Variants in CSMD1 observed in about 807,000 individuals in gnomAD.
CSMD1 encodes CUB and Sushi multiple domains 1, also known as CUB and sushi domain-containing protein 1.
CSMD1 carries 213 observed loss-of-function variants against 417.5 expected under a neutral mutation model. That is an observed-to-expected ratio of 0.51 (90% CI 0.46 to 0.57). The LOEUF (loss-of-function observed/expected upper bound fraction) is 0.57, where lower values mean the gene tolerates loss of function less well. Ranked by LOEUF, CSMD1 falls within the 20% of genes least tolerant of loss-of-function variation. The pLI, the probability that CSMD1 is intolerant of heterozygous loss-of-function variation, is 0.00. For synonymous variants in CSMD1, 2,862 were observed against 1,736.8 expected (o/e 1.65, Z -16.11); for missense variants, 6,923 against 4,529.7 (o/e 1.53, Z -15.17).
chr8:3,496,840 T>A (rs1045642559), intron 10 of CSMD1, among the ~76,000 whole-genome samples: 2 of 151,988 alleles, frequency 1.3e-5, no homozygotes, highest in Admixed American at 6.6e-5. Flanking sequence ...AAAAAAAAAA[T>A]TATGTTTAAA....
intron 1 of CSMD1, among the ~76,000 whole-genome samples, chr8:4,914,501 C>T (rs946043589): frequency 1.3e-5 from 2 of 150,366 alleles, no homozygotes; most frequent in Non-Finnish European, 2.9e-5. Flanking sequence ...TGGCGTGAAC[C>T]TGGGATGCGG....
intron 2 of CSMD1, among the ~76,000 whole-genome samples, chr8:4,457,373 C>A (rs1185866429): frequency 2.6e-5 from 4 of 152,000 alleles, no homozygotes; most frequent in South Asian, 2.1e-4. Context: ...GTGATTGGGG[C>A]TTCCCGAGGT....
At chr8:3,539,879 A>T (rs1411962969) in intron 10 of CSMD1, among the ~76,000 whole-genome samples, 2 of 152,222 alleles carry the variant, frequency 1.3e-5, no homozygotes, top group African/African-American at 4.8e-5. Flanking sequence ...AAACGAACTT[A>T]GAAAACGGCT....
At chr8:3,949,730 G>A (rs1339584799) in intron 5 of CSMD1, among the ~76,000 whole-genome samples, 4 of 152,080 alleles carry the variant, frequency 2.6e-5, no homozygotes, top group African/African-American at 9.7e-5. Context: ...ATGAGCAATG[G>A]GGACTTGATC....
chr8:4,316,688 G>A (rs1011153152), intron 3 of CSMD1, among the ~76,000 whole-genome samples: 1 of 151,904 alleles, frequency 6.6e-6, no homozygotes, highest in Non-Finnish European at 1.5e-5. Flanking sequence ...CTAAGGGGGG[G>A]GCTTCCTTTA....
intron 5 of CSMD1, among the ~76,000 whole-genome samples, chr8:3,798,212 G>C (rs910240602): frequency 6.6e-6 from 1 of 151,968 alleles, no homozygotes; most frequent in South Asian, 2.1e-4. Context: ...GTTCATTTCT[G>C]TATGAAATGA....
chr8:4,964,271 T>C (rs1290312318), intron 1 of CSMD1, among the ~76,000 whole-genome samples: 2 of 151,770 alleles, frequency 1.3e-5, no homozygotes, highest in African/African-American at 4.8e-5. Context: ...CCCAGCAGTT[T>C]GGGAGGCAAA....
chr8:3,359,690 G>C (rs959950414), intron 20 of CSMD1, among the ~76,000 whole-genome samples: 3 of 151,968 alleles, frequency 2.0e-5, no homozygotes, highest in Non-Finnish European at 4.4e-5. Flanking sequence ...AGCAGAGTAA[G>C]GTGACTATAG....
chr8:4,568,929 G>C (rs538802394), intron 2 of CSMD1, among the ~76,000 whole-genome samples: 3 of 152,142 alleles, frequency 2.0e-5, no homozygotes, highest in Non-Finnish European at 4.4e-5. Context: ...CTTTTGAGAA[G>C]TGTCTGTTCA....
At chr8:4,159,232 T>C (rs1026008942) in intron 3 of CSMD1, among the ~76,000 whole-genome samples, 11 of 152,172 alleles carry the variant, frequency 7.2e-5, no homozygotes, top group African/African-American at 2.7e-4. Context: ...TCTTTATTGA[T>C]AGATAACCGT....
intron 69 of CSMD1, 106 bp downstream of exon 69, chr8:2,942,366 T>A: frequency 1.1e-6 from 1 of 938,978 alleles, no homozygotes; most frequent in African/African-American, 1.7e-5. Flanking sequence ...GAACATTGCA[T>A]AGTAATATAA....
At chr8:4,650,794 C>T (rs931353751) in intron 1 of CSMD1, among the ~76,000 whole-genome samples, 21 of 152,040 alleles carry the variant, frequency 1.4e-4, no homozygotes, top group Non-Finnish European at 1.3e-4. Flanking sequence ...AGATTCTATT[C>T]TTCTTTATTT....
intron 5 of CSMD1, among the ~76,000 whole-genome samples, chr8:3,781,111 C>A (rs1310521727): frequency 6.6e-6 from 1 of 151,980 alleles, no homozygotes; most frequent in African/African-American, 2.4e-5. Context: ...TTCAAGAAGC[C>A]AAAAACACCT....
intron 7 of CSMD1, among the ~76,000 whole-genome samples, chr8:3,656,159 G>C (rs922556192): frequency 2.6e-5 from 4 of 152,190 alleles, no homozygotes; most frequent in Non-Finnish European, 5.9e-5. Flanking sequence ...AGGAAGGGCT[G>C]TATGTACAGC....
intron 5 of CSMD1, among the ~76,000 whole-genome samples, chr8:3,779,886 A>T (rs551220450): frequency 6.6e-6 from 1 of 152,196 alleles, no homozygotes; most frequent in African/African-American, 2.4e-5. Context: ...AGTTTCATTT[A>T]TTTTTTTCTC....
chr8:4,463,296 G>T (rs1210645796), intron 2 of CSMD1, among the ~76,000 whole-genome samples: 1 of 152,192 alleles, frequency 6.6e-6, no homozygotes, highest in African/African-American at 2.4e-5. Context: ...AAGTGTTGGT[G>T]AGGAGGTGTA....
At chr8:3,113,598 T>TC (rs1174278959) in intron 42 of CSMD1, among the ~76,000 whole-genome samples, 6 of 152,286 alleles carry the variant, frequency 3.9e-5, no homozygotes, top group African/African-American at 1.2e-4. Context: ...GCCACTGGCT[T>TC]CCCCCACAAC....
intron 5 of CSMD1, among the ~76,000 whole-genome samples, chr8:3,993,039 T>C (rs532557631): frequency 6.6e-6 from 1 of 152,332 alleles, no homozygotes; most frequent in East Asian, 1.9e-4. Context: ...GCTGGAGCCC[T>C]GGACCAGAAA....
chr8:4,441,242 G>A (rs1798459598), intron 2 of CSMD1, among the ~76,000 whole-genome samples: 1 of 145,062 alleles, frequency 6.9e-6, no homozygotes, highest in Non-Finnish European at 1.5e-5. Context: ...GGAACTACAG[G>A]CCTGAGCACT....
Sources: allele counts gnomAD v4.1 joint callset (sites outside exome capture counted in the v4.1 genomes callset), GRCh38; gene constraint gnomAD v4.1.1; transcripts MANE v1.5; gene names NCBI Gene and HGNC (gene_info 2026-07-23, HGNC 2026-07-21).